Variants in LEF1 observed in about 807,000 individuals in gnomAD.
The protein encoded by LEF1 is lymphoid enhancer-binding factor 1.
In LEF1, 14 loss-of-function variants were observed where a neutral mutation model predicts 51.2. That is an observed-to-expected ratio of 0.27 (90% CI 0.18 to 0.43). The LOEUF is 0.43. Ranked by LOEUF, LEF1 falls within the 20% of genes least tolerant of loss-of-function variation. The pLI is 1.00. For synonymous variants in LEF1, 185 were observed against 183.2 expected, an observed-to-expected ratio of 1.01 and a Z score of -0.08; for missense variants, 386 against 512.0, an observed-to-expected ratio of 0.75 and a Z score of 2.37.
At chr4:108,108,455 G>A (rs540478578) in intron 3 of LEF1, among the ~76,000 whole-genome samples, 1 of 152,058 alleles carries the variant, frequency 6.6e-6, no homozygotes, top group East Asian at 1.9e-4. Context: ...ATATTTTTCT[G>A]GACTTGATTT....
At chr4:108,071,840 A>T (rs1738492065) in intron 8 of LEF1, 1 of 152,398 alleles carries the variant, frequency 6.6e-6, no homozygotes, top group African/African-American at 2.4e-5. Context: ...GCAAACATAC[A>T]TGCTCACCTG....
intron 3 of LEF1, among the ~76,000 whole-genome samples, chr4:108,121,027 G>A (rs951146335): frequency 6.6e-6 from 1 of 152,292 alleles, no homozygotes; most frequent in Middle Eastern, 3.4e-3. Context: ...TGGTGTTTTC[G>A]AGACAACCAT....
At chr4:108,148,289 A>AT (rs1744121887) in intron 3 of LEF1, among the ~76,000 whole-genome samples, 2 of 5,788 alleles carry the variant, frequency 3.5e-4, no homozygotes, top group African/African-American at 4.3e-4. Flanking sequence ...AAAAAAAAAA[A>AT]TTTATCAAGC....
At chr4:108,126,758 T>C (rs1742560119) in intron 3 of LEF1, among the ~76,000 whole-genome samples, 1 of 141,262 alleles carries the variant, frequency 7.1e-6, no homozygotes, top group Admixed American at 7.6e-5. Context: ...TCAGCCATGA[T>C]CGCGCCAATA....
intron 3 of LEF1, among the ~76,000 whole-genome samples, chr4:108,090,679 C>T (rs1001807237): frequency 2.0e-5 from 3 of 152,144 alleles, no homozygotes; most frequent in Non-Finnish European, 4.4e-5. Flanking sequence ...ATATCCATCA[C>T]CTCAAACATT....
At chr4:108,143,577 A>C (rs1743807223) in intron 3 of LEF1, among the ~76,000 whole-genome samples, 2 of 152,296 alleles carry the variant, frequency 1.3e-5, no homozygotes, top group South Asian at 4.1e-4. Flanking sequence ...GCAAAGTAAC[A>C]AGCAAAACAG....
At chr4:108,063,988 G>C (rs1737879615) in intron 10 of LEF1, among the ~76,000 whole-genome samples, 1 of 152,120 alleles carries the variant, frequency 6.6e-6, no homozygotes, top group Non-Finnish European at 1.5e-5. Flanking sequence ...ATAAAATATT[G>C]TATCTTTAAG....
intron 3 of LEF1, among the ~76,000 whole-genome samples, chr4:108,135,708 T>C (rs1743221161): frequency 1.3e-5 from 2 of 152,194 alleles, no homozygotes; most frequent in Admixed American, 6.5e-5. Flanking sequence ...GACACTTCAA[T>C]GGCCTGCCAG....
intron 3 of LEF1, among the ~76,000 whole-genome samples, chr4:108,127,706 A>T (rs964778219): frequency 2.0e-5 from 3 of 152,216 alleles, no homozygotes; most frequent in Admixed American, 6.5e-5. Context: ...AGGAAACCAA[A>T]GATTTTAGGA....
intron 3 of LEF1, among the ~76,000 whole-genome samples, chr4:108,091,025 CATT>C (rs1482278656): frequency 6.6e-6 from 1 of 152,058 alleles, no homozygotes; most frequent in Non-Finnish European, 1.5e-5. Context: ...TTGAGCATAT[CATT>C]ATGCTCAATT....
At chr4:108,115,196 T>C (rs1456910735) in intron 3 of LEF1, among the ~76,000 whole-genome samples, 1 of 152,200 alleles carries the variant, frequency 6.6e-6, no homozygotes, top group Non-Finnish European at 1.5e-5. Context: ...AATTTATATA[T>C]TGGAAATGAG....
chr4:108,151,716 T>C (rs1744368287), intron 3 of LEF1, among the ~76,000 whole-genome samples: 1 of 152,212 alleles, frequency 6.6e-6, no homozygotes. Context: ...TTAGAACAGT[T>C]CCTGGCATGT....
chr4:108,083,488 G>T, intron 4 of LEF1, 42 bp from the exon 5 acceptor site: 1 of 1,316,474 alleles, frequency 7.6e-7, no homozygotes, highest in South Asian at 1.3e-5. Context: ...AGATTCACAG[G>T]ATATTTAACC....
At chr4:108,127,270 C>T (rs1016888914) in intron 3 of LEF1, among the ~76,000 whole-genome samples, 4 of 152,106 alleles carry the variant, frequency 2.6e-5, no homozygotes, top group African/African-American at 7.2e-5. Context: ...TTTGGGAAGG[C>T]TCCTCATGTC....
intron 11 of LEF1, among the ~76,000 whole-genome samples, chr4:108,057,872 C>CT (rs1376802677): frequency 0.077 from 11,019 of 143,030 alleles, 630 homozygotes; most frequent in African/African-American, 0.16. Context: ...TTTTTTTTAT[C>CT]TTTTTTTTTT....
intron 1 of LEF1, among the ~76,000 whole-genome samples, chr4:108,165,734 T>A (rs2110428089): frequency 6.6e-6 from 1 of 152,174 alleles, no homozygotes; most frequent in East Asian, 1.9e-4. Flanking sequence ...CTTACAAAAG[T>A]AGAACGATTC....
chr4:108,134,792 T>G (rs895309170), intron 3 of LEF1, among the ~76,000 whole-genome samples: 1 of 152,198 alleles, frequency 6.6e-6, no homozygotes, highest in East Asian at 1.9e-4. Flanking sequence ...CAAGGTCACA[T>G]AGCAAGCCAA....
intron 3 of LEF1, among the ~76,000 whole-genome samples, chr4:108,150,724 G>A (rs1744317206): frequency 6.6e-6 from 1 of 152,016 alleles, no homozygotes; most frequent in African/African-American, 2.4e-5. Context: ...TTGGGACTAT[G>A]GACATTCAAG....
intron 7 of LEF1, among the ~76,000 whole-genome samples, chr4:108,078,824 G>A (rs984496515): frequency 6.6e-6 from 1 of 152,156 alleles, no homozygotes; most frequent in South Asian, 2.1e-4. Context: ...GGAGCACTTT[G>A]AGAAGCTAAT....
Sources: gnomAD v4.1 joint callset for allele counts (sites outside exome capture counted in the v4.1 genomes callset) on GRCh38, gnomAD v4.1.1 for gene constraint, MANE v1.5 for transcripts, NCBI Gene and HGNC (gene_info 2026-07-23, HGNC 2026-07-21) for gene names.